Variants in IRX2 observed in about 807,000 individuals in gnomAD.
IRX2 encodes iroquois-class homeodomain protein IRX-2.
Under a neutral mutation model 42.9 loss-of-function variants are expected in IRX2, and 26 were observed. That is an observed-to-expected ratio of 0.61 (90% confidence interval 0.44 to 0.84). The LOEUF (loss-of-function observed/expected upper bound fraction) is 0.84. Among genes scored for constraint, IRX2 ranks in the 40% least tolerant of loss-of-function variants. IRX2 has a pLI of 0.00. For missense variants in IRX2, 782 were observed against 713.9 expected, an observed-to-expected ratio of 1.10 and a Z score of -1.09; for synonymous variants, 424 against 353.9, an observed-to-expected ratio of 1.20 and a Z score of -2.22.
rs984403248 is a variant in IRX2, at chr5:2,746,867, A to G, written c.*697T>C. The stretch of plus-strand genomic sequence containing the variant: ...CCATTATAAAAACGAGTTGATCTGA[A>G]GTGGTTCCAAATCTTTCTTATCTTC... On this transcript the variant is annotated 3_prime_UTR_variant, in exon 4 of 4. Transcript: ENST00000302057. 7 of 152,128 alleles carry G rather than the reference A, an allele frequency of 4.6e-5. No individual in the cohort carries two copies. The highest frequency in any genetic ancestry group is 1.7e-4 in the African/African-American group (7 of 41,308). The allele number at this position is 152,128 out of a possible 1,614,324, so 9.4% of individuals were successfully genotyped here. A position where few individuals can be genotyped will look rare whatever the true frequency, so the allele number is the denominator to read the frequency against.
intron 3 of IRX2, among the ~76,000 whole-genome samples, 192 bp downstream of exon 3, chr5:2,748,153 C>A (rs1346957427): frequency 1.3e-5 from 2 of 152,186 alleles, no homozygotes; most frequent in Non-Finnish European, 2.9e-5. Context: ...AATAACAGGG[C>A]AAGTCTAAAA....
At chr5:2,748,301 G>A in intron 3 of IRX2, 44 bp downstream of exon 3, 1 of 1,368,422 alleles carries the variant, frequency 7.3e-7, no homozygotes, top group Non-Finnish European at 9.3e-7. Flanking sequence ...CCCGGGGCTG[G>A]CTCTCCCTCC....
In IRX2 at chr5:2,747,437, T is replaced by C; in HGVS notation, c.*127A>G. 1.5e-6 allele frequency: 1 copy of C among 675,430 alleles called. No individual in the cohort carries two copies. Among genetic ancestry groups the C allele is most frequent in the South Asian group, 2.2e-5 (1 of 45,660 alleles). 41.8% of individuals were successfully genotyped at this position (675,430 alleles called of 1,614,324 possible). A position where few individuals can be genotyped will look rare whatever the true frequency, so the allele number is the denominator to read the frequency against. Reference sequence around the variant, plus strand: ...AAAGAAAAGCTGGACAAGATTGAAATGCTCTGTCTTCTAACCCCATGACCA... The same window carrying C: ...AAAGAAAAGCTGGACAAGATTGAAACGCTCTGTCTTCTAACCCCATGACCA... On this transcript the variant is annotated 3_prime_UTR_variant, in exon 4 of 4. Coordinates refer to ENST00000302057, the MANE Select transcript of IRX2 (RefSeq NM_033267.5).
chr5:2,749,271 C>T (rs1318429010), intron 2 of IRX2, 111 bp downstream of exon 2: 2 of 1,469,212 alleles, frequency 1.4e-6, no homozygotes, highest in East Asian at 2.4e-5. Flanking sequence ...GCGGCTGGGG[C>T]TCCGGCCCGG....
chr5:2,742,544 T>A (rs1737566086), downstream of IRX2, among the ~76,000 whole-genome samples: 1 of 152,214 alleles, frequency 6.6e-6, no homozygotes, highest in Admixed American at 6.5e-5. Flanking sequence ...CCTCTTCGGT[T>A]AACGCTTTCA....
chr5:2,749,282 A>G, intron 2 of IRX2, 100 bp downstream of exon 2: 2 of 1,489,218 alleles, frequency 1.3e-6, no homozygotes, highest in South Asian at 2.7e-5. Flanking sequence ...TCCGGCCCGG[A>G]CCTGGGGTGT....
At chr5:2,740,121 C>A in the IRX2 span, among the ~76,000 whole-genome samples, 2 of 151,726 alleles carry the variant, frequency 1.3e-5, no homozygotes, top group African/African-American at 4.8e-5. Context: ...GTCGCAAAAG[C>A]GGCGTCGAAA....
chr5:2,736,035 C>A, the IRX2 span, among the ~76,000 whole-genome samples: 19 of 152,206 alleles, frequency 1.2e-4, no homozygotes, highest in African/African-American at 4.6e-4. Context: ...TGCCATGCTC[C>A]TTGGCCTCCT....
chr5:2,745,098 A>C (rs1034001476), downstream of IRX2, among the ~76,000 whole-genome samples: 3 of 152,214 alleles, frequency 2.0e-5, no homozygotes, highest in Admixed American at 6.5e-5. Context: ...GCAGATGTTT[A>C]GACAAGATTT....
chr5:2,740,180 T>TGGGGGG, the IRX2 span, among the ~76,000 whole-genome samples: 1 of 124,320 alleles, frequency 8.0e-6, no homozygotes, highest in Non-Finnish European at 1.7e-5. Context: ...AGTCGTGGCG[T>TGGGGGG]GCGGGGGCGG....
At chr5:2,741,539 C>T (rs146518005), downstream of IRX2, among the ~76,000 whole-genome samples, 5 of 152,192 alleles carry the variant, frequency 3.3e-5, no homozygotes, top group African/African-American at 1.2e-4. Context: ...GAATTTATTA[C>T]TCAAGAGCAT....
At position 2,748,590 on chromosome 5, in the gene IRX2, G is replaced by C. The variant is rs745365936; in HGVS notation, c.1118C>G (p.Pro373Arg). The change falls in exon 3 of 4, where the codon CCT (proline) becomes CGT (arginine). Residue 373 changes from proline to arginine, a missense_variant. Pro to Arg is a moderately radical substitution (Grantham distance 103). Coordinates refer to ENST00000302057, the MANE Select transcript of IRX2 (RefSeq NM_033267.5). Reference sequence around the variant, plus strand: ...GGGGCGGCCCAGCAGCGGCGAGGCAGGGTAGGGCGAGCCTCCTGGCGGTGC... The same window carrying C: ...GGGGCGGCCCAGCAGCGGCGAGGCACGGTAGGGCGAGCCTCCTGGCGGTGC... ...TGAPPGGSPY[P>R]ASPLLGRPLY... 2.4e-5 allele frequency: 37 copies of C among 1,549,874 alleles called. No homozygotes were observed. The highest frequency in any genetic ancestry group is 3.2e-5 in the Non-Finnish European group (37 of 1,151,470).
intron 1 of IRX2, among the ~76,000 whole-genome samples, chr5:2,750,477 C>A (rs746097627): frequency 2.6e-4 from 40 of 152,348 alleles, no homozygotes; most frequent in Admixed American, 4.6e-4. Flanking sequence ...CCTGGCCCAG[C>A]TCAGTAACCT....
At chr5:2,738,857 G>C in the IRX2 span, among the ~76,000 whole-genome samples, 2 of 152,202 alleles carry the variant, frequency 1.3e-5, no homozygotes, top group Non-Finnish European at 2.9e-5. Context: ...GGTCGCGGAG[G>C]GTGAAGCCAA....
chr5:2,744,408 T>C (rs1579622223), downstream of IRX2, among the ~76,000 whole-genome samples: 2 of 152,200 alleles, frequency 1.3e-5, no homozygotes, highest in African/African-American at 4.8e-5. Context: ...ATTGCTGCCA[T>C]GTGCAATTTA....
rs1737761576 is a variant in IRX2 at position 2,748,394 on chromosome 5, C to A, written c.1314G>T (p.Pro438=). The A allele has an allele frequency of 1.3e-6, 2 of 1,481,522 alleles. No individual in the cohort carries two copies. The highest frequency in any genetic ancestry group is 1.8e-6 in the Non-Finnish European group (2 of 1,121,290). The allele number at this position is 1,481,522 out of a possible 1,614,324, so 91.8% of individuals were successfully genotyped here. A position where few individuals can be genotyped will look rare whatever the true frequency, so the allele number is the denominator to read the frequency against. ...ASDAGKAGAH[P]LESHYRSPGG... ...CCGGGGACCGGTAGTGGGACTCGAGCGGGTGCGCGCCCGCCTTGCCCGCGT... is the reference window on the plus strand; with the variant it reads ...CCGGGGACCGGTAGTGGGACTCGAGAGGGTGCGCGCCCGCCTTGCCCGCGT... Residue 438 remains proline, a synonymous_variant, in exon 3 of 4, where the codon CCG becomes CCT. Coordinates refer to ENST00000302057, the MANE Select transcript of IRX2 (RefSeq NM_033267.5).
the IRX2 span, among the ~76,000 whole-genome samples, chr5:2,739,690 C>A: frequency 6.6e-6 from 1 of 152,198 alleles, no homozygotes; most frequent in East Asian, 1.9e-4. Context: ...GGTTTCCCGG[C>A]GCTCTGCGGC....
chr5:2,740,321 CA>C, the IRX2 span, among the ~76,000 whole-genome samples: 3 of 151,996 alleles, frequency 2.0e-5, no homozygotes, highest in South Asian at 6.3e-4. Flanking sequence ...GGCGAGCGGT[CA>C]CACCGGGGCT....
Position 2,749,431 on chromosome 5 carries a change from CTCG to C in IRX2, c.603_605del (p.Asp201del). ...TGCCCTCCTGCGCCTTGTCGGGACT[CTCG>C]TCCTTGCTTCTGGTAGCGTCGCCCT... is the stretch of plus-strand genomic sequence containing the variant. On this transcript the variant is annotated inframe_deletion, in exon 2 of 4. Transcript: ENST00000302057. 1 of 1,614,164 alleles carries C rather than the reference CTCG, an allele frequency of 6.2e-7. No homozygotes were observed.
Sources: gnomAD v4.1 joint callset for allele counts (sites outside exome capture counted in the v4.1 genomes callset) on GRCh38, gnomAD v4.1.1 for gene constraint, MANE v1.5 for transcripts, NCBI Gene and HGNC (gene_info 2026-07-23, HGNC 2026-07-21) for gene names.